The following AGBL2 variants were observed in gnomAD, a reference collection of about 807,000 sequenced individuals.
AGBL2 encodes the protein cytosolic carboxypeptidase 2.
AGBL2 carries 87 observed loss-of-function variants against 103.0 expected under a neutral mutation model. That is an observed-to-expected ratio of 0.84 (90% CI 0.71 to 1.01). The LOEUF is 1.01. Ranked by LOEUF, AGBL2 falls within the 50% of genes least tolerant of loss-of-function variation. The pLI is 0.00. For synonymous variants in AGBL2, 335 were observed against 356.7 expected, an observed-to-expected ratio of 0.94 and a Z score of 0.69; for missense variants, 904 against 1,023.5, an observed-to-expected ratio of 0.88 and a Z score of 1.59.
intron 7 of AGBL2, among the ~76,000 whole-genome samples, chr11:47,699,908 C>T (rs1252484406): frequency 6.6e-6 from 1 of 152,004 alleles, no homozygotes; most frequent in African/African-American, 2.4e-5. Context: ...TTTTTTATTA[C>T]CATAGAGGAC....
chr11:47,691,729 A>AAAAAAAAAAAAAAATATATATATATATAT, intron 9 of AGBL2, among the ~76,000 whole-genome samples: 1 of 4,856 alleles, frequency 2.1e-4, no homozygotes, highest in Non-Finnish European at 3.6e-4. Context: ...AAAAAAAAAA[A>AAAAAAAAAAAAAAATATATATATATATAT]ATATATATAT....
chr11:47,689,076 G>C (rs1328046518), intron 10 of AGBL2, among the ~76,000 whole-genome samples: 1 of 152,058 alleles, frequency 6.6e-6, no homozygotes, highest in Non-Finnish European at 1.5e-5. Context: ...CCAATGGCAT[G>C]AAAATTCCTT....
At chr11:47,688,212 GC>G (rs1236215080) in intron 10 of AGBL2, among the ~76,000 whole-genome samples, 4 of 152,144 alleles carry the variant, frequency 2.6e-5, no homozygotes, top group Non-Finnish European at 5.9e-5. Context: ...TCCTGCCTCG[GC>G]CTCTCAAAGT....
chr11:47,696,037 G>GAA (rs71045503), intron 8 of AGBL2, among the ~76,000 whole-genome samples: 959 of 88,944 alleles, frequency 0.011, 25 homozygotes, highest in Non-Finnish European at 0.016. Context: ...AAAAAAAAAA[G>GAA]AAAAAAAAAA....
At chr11:47,681,737 C>T (rs550620603) in intron 12 of AGBL2, among the ~76,000 whole-genome samples, 3 of 152,176 alleles carry the variant, frequency 2.0e-5, no homozygotes, top group African/African-American at 4.8e-5. Flanking sequence ...GGATTACAGG[C>T]GTGAGCCACT....
chr11:47,710,571 A>G, intron 3 of AGBL2, 60 bp from the exon 4 acceptor site: 4 of 1,595,314 alleles, frequency 2.5e-6, no homozygotes, highest in African/African-American at 2.7e-5. Flanking sequence ...TCTAACATCT[A>G]GGTCAATACC....
chr11:47,669,954 G>A (rs2097352446), intron 14 of AGBL2, among the ~76,000 whole-genome samples: 1 of 152,186 alleles, frequency 6.6e-6, no homozygotes, highest in South Asian at 2.1e-4. Context: ...CATTCACTCC[G>A]AACACCTACT....
chr11:47,661,603 T>C (rs933606239), intron 18 of AGBL2, among the ~76,000 whole-genome samples: 1 of 152,070 alleles, frequency 6.6e-6, no homozygotes, highest in Non-Finnish European at 1.5e-5. Context: ...CAGCAGGGAC[T>C]CCATCCATTG....
At chr11:47,668,247 G>A (rs1303163150) in intron 15 of AGBL2, among the ~76,000 whole-genome samples, 7 of 141,394 alleles carry the variant, frequency 5.0e-5, no homozygotes, top group East Asian at 2.2e-4. Context: ...AGCAGCTCAC[G>A]CCTATATTCC....
chr11:47,683,273 T>A (rs2097409299), intron 11 of AGBL2, among the ~76,000 whole-genome samples: 1 of 151,948 alleles, frequency 6.6e-6, no homozygotes, highest in Non-Finnish European at 1.5e-5. Context: ...CTCAGGAGGC[T>A]GAGGCAGGAG....
At position 47,699,521 on chromosome 11, in the gene AGBL2, G is replaced by A. The variant is rs766879154; in HGVS notation, c.619C>T (p.Gln207Ter). The A allele has an allele frequency of 1.2e-5, 19 of 1,606,208 alleles. No individual in the cohort carries two copies. The highest frequency in any genetic ancestry group is 1.7e-4 in the Middle Eastern group (1 of 6,060). ...WAPPQPEYFY[Q>*]PKGNEKVPEI... The stretch of plus-strand genomic sequence containing the variant: ...GGTACCTTTTCATTTCCTTTAGGCT[G>A]ATAGAAATATTCTGGTTGAGGTGGA... Residue 207 changes from glutamine (Q) to a stop codon, truncating the protein, a stop_gained, in exon 8 of 19, where the codon CAG becomes TAG. Coordinates refer to ENST00000525123, the MANE Select transcript of AGBL2 (RefSeq NM_024783.4). LOFTEE classifies it high-confidence loss of function.
intron 14 of AGBL2, among the ~76,000 whole-genome samples, chr11:47,673,825 C>T (rs1482451424): frequency 6.5e-5 from 9 of 137,602 alleles, no homozygotes; most frequent in Admixed American, 2.4e-4. Context: ...ATTGGCCAGG[C>T]GCAGTGGTTC....
chr11:47,685,525 G>A (rs147995604), intron 11 of AGBL2, among the ~76,000 whole-genome samples: 5,575 of 152,086 alleles, frequency 0.037, 103 homozygotes, highest in Middle Eastern at 0.065. Flanking sequence ...AAGTTTAAGC[G>A]ATTCTCCTGC....
Position 47,704,568 on chromosome 11 carries a change from G to A in AGBL2, c.561C>T (p.Val187=). 1 of 1,612,248 alleles carries A rather than the reference G, an allele frequency of 6.2e-7. No individual in the cohort carries two copies. The highest frequency in any genetic ancestry group is 8.5e-7 in the Non-Finnish European group (1 of 1,179,138). The change falls in exon 7 of 19, where the codon GTC becomes GTT. Residue 187 remains valine, a synonymous_variant. Transcript: ENST00000525123. Reference sequence around the variant, plus strand: ...CAATATGATGGATGTTTTCCTTGATGACCTCACATTCAATTGGCCATCTTG... The same window carrying A: ...CAATATGATGGATGTTTTCCTTGATAACCTCACATTCAATTGGCCATCTTG... The part of the protein sequence containing the change: ...QAPRWPIECE[V]IKENIHHIEW...
At chr11:47,688,587 T>C (rs2097433238) in intron 10 of AGBL2, among the ~76,000 whole-genome samples, 2 of 152,138 alleles carry the variant, frequency 1.3e-5, no homozygotes, top group Non-Finnish European at 2.9e-5. Context: ...TGCTGGGTAC[T>C]ATAGTAAATA....
chr11:47,689,113 C>T (rs2097435069), intron 10 of AGBL2, among the ~76,000 whole-genome samples: 1 of 152,000 alleles, frequency 6.6e-6, no homozygotes, highest in Non-Finnish European at 1.5e-5. Context: ...ACATTATAGC[C>T]TTCAATGCTT....
rs184249084 is a variant in AGBL2 at position 47,678,602 on chromosome 11, G to C, written c.2017-1201C>G. 3.6e-4 allele frequency among the ~76,000 whole-genome samples: 55 copies of C among 151,558 alleles called. No individual in the cohort carries two copies. In the East Asian group the frequency reaches 0.01, roughly 28 times the overall value. ...GCCAGCCTTAGCCTCCCAAAGTGCT[G>C]GGATTAGAGGTGTGAGCCACTGCAC... On this transcript the variant is annotated intron_variant, in intron 13 of 18. Transcript: ENST00000525123.
intron 14 of AGBL2, among the ~76,000 whole-genome samples, chr11:47,674,048 C>T (rs1008377721): frequency 1.3e-5 from 2 of 151,244 alleles, no homozygotes; most frequent in Non-Finnish European, 2.9e-5. Context: ...GTGGAGATCA[C>T]GCCATTGCAC....
chr11:47,677,025 G>GT (rs968512074), intron 14 of AGBL2, among the ~76,000 whole-genome samples: 3 of 151,890 alleles, frequency 2.0e-5, no homozygotes, highest in African/African-American at 7.3e-5. Context: ...CTTTTGTTTT[G>GT]TTTTTTGTTT....
Sources: allele counts gnomAD v4.1 joint callset (sites outside exome capture counted in the v4.1 genomes callset), GRCh38; gene constraint gnomAD v4.1.1; transcripts MANE v1.5; gene names NCBI Gene and HGNC (gene_info 2026-07-23, HGNC 2026-07-21).